TNPO1: variants seen among roughly 807,000 people sequenced by gnomAD.
The protein encoded by TNPO1 is transportin-1.
TNPO1 carries 8 observed loss-of-function variants against 119.5 expected under a neutral mutation model. That is an observed-to-expected ratio of 0.07 (90% confidence interval 0.04 to 0.12). The LOEUF (loss-of-function observed/expected upper bound fraction) is 0.12. Among genes scored for constraint, TNPO1 ranks in the 10% least tolerant of loss-of-function variants. The pLI, the probability that TNPO1 is intolerant of heterozygous loss-of-function variation, is 1.00. For missense variants in TNPO1, 576 were observed against 1,089.8 expected (o/e 0.53, Z 6.64); for synonymous variants, 362 against 363.0 (o/e 1.00, Z 0.03).
chr5:72,847,177 AAAAG>A (rs767492485), intron 1 of TNPO1, among the ~76,000 whole-genome samples: 2 of 152,200 alleles, frequency 1.3e-5, no homozygotes, highest in Non-Finnish European at 2.9e-5. Flanking sequence ...GGCATTTTTA[AAAAG>A]AAAGAAAAAG....
chr5:72,824,370 G>A (rs181239218), intron 1 of TNPO1, among the ~76,000 whole-genome samples: 1 of 152,044 alleles, frequency 6.6e-6, no homozygotes, highest in Non-Finnish European at 1.5e-5. Flanking sequence ...ACTTGCTATT[G>A]CCAAGTTCTC....
chr5:72,856,522 G>A (rs1746012670), intron 4 of TNPO1, among the ~76,000 whole-genome samples: 1 of 148,368 alleles, frequency 6.7e-6, no homozygotes, highest in African/African-American at 2.5e-5. Flanking sequence ...CCTGAGCCAT[G>A]GCGCCTGGCT....
chr5:72,880,153 C>G (rs1042168647), intron 9 of TNPO1, among the ~76,000 whole-genome samples: 2 of 152,046 alleles, frequency 1.3e-5, no homozygotes, highest in Non-Finnish European at 2.9e-5. Flanking sequence ...GAAATGGCAC[C>G]ACTGCACTCC....
At chr5:72,904,394 T>G (rs572754078) in intron 23 of TNPO1, among the ~76,000 whole-genome samples, 5 of 152,370 alleles carry the variant, frequency 3.3e-5, no homozygotes, top group African/African-American at 1.2e-4. Context: ...TATCTGTTAC[T>G]GGAACACTTG....
chr5:72,831,600 A>G (rs1301536998), intron 1 of TNPO1, among the ~76,000 whole-genome samples: 1 of 152,004 alleles, frequency 6.6e-6, no homozygotes, highest in Admixed American at 6.6e-5. Flanking sequence ...ACAAGTATAG[A>G]ATATGTAATA....
intron 2 of TNPO1, among the ~76,000 whole-genome samples, chr5:72,849,608 A>G (rs1278907500): frequency 6.6e-6 from 1 of 152,236 alleles, no homozygotes. Context: ...TCAATAGATG[A>G]CAAAATTAGT....
intron 12 of TNPO1, among the ~76,000 whole-genome samples, chr5:72,887,425 C>T (rs2112439605): frequency 6.6e-6 from 1 of 152,300 alleles, no homozygotes; most frequent in East Asian, 1.9e-4. Flanking sequence ...CATGGTGGCT[C>T]ACGCCTATAA....
In TNPO1 at chr5:72,855,942, G is replaced by A; in HGVS notation, c.355+19G>A. 6.2e-7 allele frequency: 1 copy of A among 1,611,124 alleles called. No homozygotes were observed. Among genetic ancestry groups the A allele is most frequent in the Non-Finnish European group, 8.5e-7 (1 of 1,178,596 alleles). ...ACTGTTGGTAAGTTATATTACAACA[G>A]TTTTGCTTACTTTGTTTGTAACTGG... On this transcript the variant is annotated intron_variant, in intron 4 of 24. Coordinates refer to ENST00000337273, the MANE Select transcript of TNPO1 (RefSeq NM_002270.4).
rs115035521 is a variant in TNPO1 at position 72,859,973 on chromosome 5, C to T, written c.356-1835C>T. ...AATTTGCAGGAACGATCAGATCTTGCTGCTTTTGGATCTTAATGGAAGGCT... is the reference window on the plus strand; with the variant it reads ...AATTTGCAGGAACGATCAGATCTTGTTGCTTTTGGATCTTAATGGAAGGCT... On this transcript the variant is annotated intron_variant, in intron 4 of 24. Coordinates refer to ENST00000337273, the MANE Select transcript of TNPO1 (RefSeq NM_002270.4). Among the ~76,000 whole-genome samples, 1,261 of 152,264 alleles carry T rather than the reference C, an allele frequency of 8.3e-3. 14 individuals carry two copies. Among genetic ancestry groups the T allele is most frequent in the African/African-American group, 0.029 (1,195 of 41,538 alleles).
In TNPO1 at chr5:72,847,820, A is replaced by C. The variant is rs187642142; in HGVS notation, c.16-565A>C. Among the ~76,000 whole-genome samples the C allele has an allele frequency of 5.9e-5, 9 of 152,340 alleles. No individual in the cohort carries two copies. The East Asian group carries it at 1.5e-3, about 26-fold the overall frequency. ...TTTTAGTGCCTTATATATCAAATTG[A>C]AATGTAAACATTTTTATTGCTTCTA... On this transcript the variant is annotated intron_variant, in intron 1 of 24. Transcript: ENST00000337273.
chr5:72,893,454 C>T lies in TNPO1; in HGVS notation c.1974C>T (p.Gly658=), dbSNP rs751574548. The T allele has an allele frequency of 6.2e-7, 1 of 1,614,126 alleles. No homozygotes were observed. Among genetic ancestry groups the T allele is most frequent in the Non-Finnish European group, 8.5e-7 (1 of 1,180,028 alleles). Residue 658 remains glycine (G), a synonymous_variant, in exon 17 of 25, where the codon GGC becomes GGT. Transcript: ENST00000337273. ...FMIVALDLLS[G]LAEGLGGNIE... ...TAGTGGCTCTTGATTTACTGAGTGG[C>T]CTGGCTGAAGGACTTGGAGGCAACA...
chr5:72,839,400 A>G (rs990385784), intron 1 of TNPO1, among the ~76,000 whole-genome samples: 3 of 152,118 alleles, frequency 2.0e-5, no homozygotes, highest in Non-Finnish European at 4.4e-5. Context: ...GTGTGTTGTT[A>G]TTATTTACTG....
intron 14 of TNPO1, among the ~76,000 whole-genome samples, chr5:72,891,340 C>CT (rs1275007940): frequency 6.6e-6 from 1 of 152,010 alleles, no homozygotes; most frequent in East Asian, 1.9e-4. Flanking sequence ...TGGGGGGTGC[C>CT]TGTAGTCCCA....
intron 1 of TNPO1, among the ~76,000 whole-genome samples, chr5:72,838,670 A>G (rs1744794941): frequency 6.6e-6 from 1 of 152,206 alleles, no homozygotes; most frequent in Non-Finnish European, 1.5e-5. Flanking sequence ...GTCATCATAT[A>G]AATCAGCAAA....
chr5:72,863,025 T>C (rs377172627), intron 5 of TNPO1, among the ~76,000 whole-genome samples: 5 of 142,736 alleles, frequency 3.5e-5, no homozygotes, highest in Non-Finnish European at 7.8e-5. Flanking sequence ...TGTGTGTGTG[T>C]GGTTTTTTTT....
intron 1 of TNPO1, among the ~76,000 whole-genome samples, chr5:72,843,740 T>C (rs1347274073): frequency 6.6e-6 from 1 of 152,198 alleles, no homozygotes; most frequent in Non-Finnish European, 1.5e-5. Flanking sequence ...ACATTCATAG[T>C]GATTCAGCAT....
chr5:72,826,833 G>A (rs266424), intron 1 of TNPO1, among the ~76,000 whole-genome samples: 26,725 of 152,022 alleles, frequency 0.18, 2,587 homozygotes, highest in South Asian at 0.25. Flanking sequence ...AGTACTTCTG[G>A]GGAGGGGACC....
rs370044277 is a variant in TNPO1, at chr5:72,875,606, G to T, written c.679-9G>T. Reference sequence around the variant, plus strand: ...CTAAAACTAGAAAAAATTATTTCTTGTGCAACAGAATCTCTTTGCATTAGC... The same window carrying T: ...CTAAAACTAGAAAAAATTATTTCTTTTGCAACAGAATCTCTTTGCATTAGC... On this transcript the variant is annotated splice_polypyrimidine_tract_variant and intron_variant, in intron 7 of 24. Transcript: ENST00000337273. 8.1e-6 allele frequency: 13 copies of T among 1,608,986 alleles called. No individual in the cohort carries two copies. The highest frequency in any genetic ancestry group is 1.1e-5 in the Non-Finnish European group (13 of 1,176,192).
chr5:72,883,243 A>G lies in TNPO1; in HGVS notation c.1150+11A>G. 3.8e-6 allele frequency: 5 copies of G among 1,323,056 alleles called. No homozygotes were observed. Among genetic ancestry groups the G allele is most frequent in the Non-Finnish European group, 5.4e-6 (5 of 917,688 alleles). The allele number at this position is 1,323,056 out of a possible 1,614,324, so 82.0% of individuals were successfully genotyped here. A position where few individuals can be genotyped will look rare whatever the true frequency, so the allele number is the denominator to read the frequency against. Reference sequence around the variant, plus strand: ...CTGACTGGAATCTAAGTAAGTCAGAAAGGGAAAAGCACAGTTGCCTACTTT... The same window carrying G: ...CTGACTGGAATCTAAGTAAGTCAGAGAGGGAAAAGCACAGTTGCCTACTTT... On this transcript the variant is annotated intron_variant, in intron 11 of 24. Coordinates refer to ENST00000337273, the MANE Select transcript of TNPO1 (RefSeq NM_002270.4).
Sources: allele counts gnomAD v4.1 joint callset (sites outside exome capture counted in the v4.1 genomes callset), GRCh38; gene constraint gnomAD v4.1.1; transcripts MANE v1.5; gene names NCBI Gene and HGNC (gene_info 2026-07-23, HGNC 2026-07-21).